The following ABLIM1 variants were observed in gnomAD, a reference collection of about 807,000 sequenced individuals.
ABLIM1 encodes actin-binding LIM protein 1.
ABLIM1 carries 40 observed loss-of-function variants against 107.0 expected under a neutral mutation model. The ratio of observed to expected loss-of-function variants is 0.37; its 90% CI spans 0.29 to 0.49. The LOEUF is 0.49. Among genes scored for constraint, ABLIM1 ranks in the 20% least tolerant of loss-of-function variants. The pLI is 0.97. For synonymous variants in ABLIM1, 357 were observed against 357.3 expected, an observed-to-expected ratio of 1.00 and a Z score of 0.01; for missense variants, 857 against 1,008.5, an observed-to-expected ratio of 0.85 and a Z score of 2.04.
At chr10:114,463,730 G>T (rs1198566102) in intron 12 of ABLIM1, among the ~76,000 whole-genome samples, 1 of 152,114 alleles carries the variant, frequency 6.6e-6, no homozygotes, top group African/African-American at 2.4e-5. Context: ...GTTATCTCAG[G>T]AAGAATGGAC....
At chr10:114,618,941 AT>A (rs1566112535) in intron 1 of ABLIM1, among the ~76,000 whole-genome samples, 1 of 151,960 alleles carries the variant, frequency 6.6e-6, no homozygotes, top group Non-Finnish European at 1.5e-5. Flanking sequence ...ACTCTCTCCA[AT>A]GGCAAGAAGC....
intron 1 of ABLIM1, among the ~76,000 whole-genome samples, chr10:114,746,099 A>G (rs1251638718): frequency 2.6e-5 from 4 of 152,216 alleles, no homozygotes; most frequent in Non-Finnish European, 5.9e-5. Flanking sequence ...ATTTAACTTG[A>G]TAAGAACATT....
At chr10:114,485,591 T>A (rs2058076514) in intron 8 of ABLIM1, among the ~76,000 whole-genome samples, 1 of 152,234 alleles carries the variant, frequency 6.6e-6, no homozygotes, top group Non-Finnish European at 1.5e-5. Context: ...ACAGTAAATT[T>A]ATCTAAGCTC....
At chr10:114,523,913 G>T (rs571162998) in intron 6 of ABLIM1, among the ~76,000 whole-genome samples, 1 of 152,170 alleles carries the variant, frequency 6.6e-6, no homozygotes, top group Non-Finnish European at 1.5e-5. Flanking sequence ...CTACTGAATG[G>T]GGGGAGAGGG....
intron 6 of ABLIM1, among the ~76,000 whole-genome samples, chr10:114,497,100 A>C (rs1443556221): frequency 6.6e-6 from 1 of 152,268 alleles, no homozygotes; most frequent in Non-Finnish European, 1.5e-5. Flanking sequence ...TCAGATCATG[A>C]GCAAAATGAA....
At chr10:114,472,924 A>T in intron 10 of ABLIM1, 53 bp downstream of exon 10, 1 of 1,459,176 alleles carries the variant, frequency 6.9e-7, no homozygotes, top group African/African-American at 1.4e-5. Flanking sequence ...TACAAATGTG[A>T]CAAAAGGGAA....
At chr10:114,615,060 A>G (rs542127919) in intron 1 of ABLIM1, among the ~76,000 whole-genome samples, 129 of 151,698 alleles carry the variant, frequency 8.5e-4, no homozygotes, top group African/African-American at 2.9e-3. Flanking sequence ...CAAAAAAAAA[A>G]AAAGAAAGAA....
Position 114,446,058 on chromosome 10 carries a change from C to A in ABLIM1, c.1736-655G>T, listed in dbSNP as rs559909105. ...AAATGCTGGGATTACAGGCGTGAGC[C>A]ACCACGCCCAGCCTCAATTTTCAAA... On this transcript the variant is annotated intron_variant, in intron 15 of 22. Transcript: ENST00000533213. Among the ~76,000 whole-genome samples, 5 of 152,354 alleles carry A rather than the reference C, an allele frequency of 3.3e-5. No homozygotes were observed. In the South Asian group the frequency reaches 1.0e-3, roughly 32 times the overall value.
At chr10:114,596,320 C>T (rs2075409714) in intron 2 of ABLIM1, among the ~76,000 whole-genome samples, 2 of 152,202 alleles carry the variant, frequency 1.3e-5, no homozygotes, top group African/African-American at 4.8e-5. Flanking sequence ...TCTTCTAATA[C>T]CCCAGGAGTT....
intron 10 of ABLIM1, among the ~76,000 whole-genome samples, chr10:114,470,908 AG>A (rs755385521): frequency 6.6e-6 from 1 of 151,972 alleles, no homozygotes; most frequent in Non-Finnish European, 1.5e-5. Flanking sequence ...TTTTTGAGAC[AG>A]GGTGTCACTC....
upstream of ABLIM1, chr10:114,768,075 G>C (rs1209844859): frequency 7.0e-6 from 3 of 429,958 alleles, no homozygotes; most frequent in South Asian, 4.9e-5. Flanking sequence ...GGCGGACATG[G>C]TGCAGGCAGC....
At chr10:114,438,576 A>C (rs1370031794) in intron 21 of ABLIM1, among the ~76,000 whole-genome samples, 1 of 152,126 alleles carries the variant, frequency 6.6e-6, no homozygotes, top group East Asian at 1.9e-4. Flanking sequence ...GTTACCTTTT[A>C]TAGGATGCTG....
chr10:114,485,480 TA>T (rs1291808524), intron 8 of ABLIM1: 2 of 1,044,012 alleles, frequency 1.9e-6, no homozygotes, highest in African/African-American at 1.6e-5. Flanking sequence ...CCACCTTAGG[TA>T]AAACTAACTT....
intron 6 of ABLIM1, among the ~76,000 whole-genome samples, chr10:114,539,386 T>C (rs1204125146): frequency 6.6e-6 from 1 of 151,964 alleles, no homozygotes; most frequent in Non-Finnish European, 1.5e-5. Context: ...AAAAGAGGTA[T>C]AGGAAGTATT....
At chr10:114,691,458 A>G (rs2081077034) in intron 1 of ABLIM1, among the ~76,000 whole-genome samples, 1 of 152,064 alleles carries the variant, frequency 6.6e-6, no homozygotes, top group Admixed American at 6.5e-5. Flanking sequence ...CCTTTTATCC[A>G]TTTCGTTCTG....
At chr10:114,785,402 T>C in the ABLIM1 span, among the ~76,000 whole-genome samples, 1 of 152,216 alleles carries the variant, frequency 6.6e-6, no homozygotes, top group Non-Finnish European at 1.5e-5. Flanking sequence ...AAAGGAATTA[T>C]AGTTATTCTT....
At chr10:114,745,310 T>C (rs1444653908) in intron 1 of ABLIM1, among the ~76,000 whole-genome samples, 3 of 152,140 alleles carry the variant, frequency 2.0e-5, no homozygotes, top group African/African-American at 4.8e-5. Context: ...CCTGTAATCC[T>C]AGCACTTTGG....
intron 6 of ABLIM1, among the ~76,000 whole-genome samples, chr10:114,495,789 C>T (rs548405093): frequency 4.5e-4 from 69 of 152,278 alleles, no homozygotes; most frequent in African/African-American, 1.7e-3. Flanking sequence ...GATGAGGAAG[C>T]TGAGGCCTGA....
intron 1 of ABLIM1, among the ~76,000 whole-genome samples, chr10:114,728,912 C>G (rs2082017527): frequency 6.6e-6 from 1 of 152,122 alleles, no homozygotes; most frequent in African/African-American, 2.4e-5. Flanking sequence ...ATGTTCCAAA[C>G]ACTTTTTATT....
Sources: gnomAD v4.1 joint callset for allele counts (sites outside exome capture counted in the v4.1 genomes callset) on GRCh38, gnomAD v4.1.1 for gene constraint, MANE v1.5 for transcripts, NCBI Gene and HGNC (gene_info 2026-07-23, HGNC 2026-07-21) for gene names.